Variants in ZSCAN20 observed in about 807,000 individuals in gnomAD.
The protein encoded by ZSCAN20 is zinc finger and SCAN domain-containing protein 20.
A neutral mutation model predicts 97.1 loss-of-function variants in ZSCAN20; 39 were observed. That is an observed-to-expected ratio of 0.40 (90% CI 0.31 to 0.52). The LOEUF (loss-of-function observed/expected upper bound fraction) is 0.52, where lower values mean the gene tolerates loss of function less well. Among genes scored for constraint, ZSCAN20 ranks in the 20% least tolerant of loss-of-function variants. The pLI is 0.49. For missense variants in ZSCAN20, 1,115 were observed against 1,290.4 expected, an observed-to-expected ratio of 0.86 and a Z score of 2.08; for synonymous variants, 456 against 467.3, an observed-to-expected ratio of 0.98 and a Z score of 0.31.
At chr1:33,479,120 G>A in intron 1 of ZSCAN20, 59 bp from the exon 2 acceptor site, 1 of 666,548 alleles carries the variant, frequency 1.5e-6, no homozygotes, top group Admixed American at 3.1e-5. Flanking sequence ...GGGGGAAGGG[G>A]GAGAATGAAG....
intron 2 of ZSCAN20, among the ~76,000 whole-genome samples, chr1:33,484,618 T>C (rs1420011874): frequency 7.8e-6 from 1 of 127,408 alleles, no homozygotes; most frequent in Non-Finnish European, 1.7e-5. Context: ...GGATTTTGCA[T>C]CTTTTTTTTT....
Position 33,499,735 on chromosome 1 carries a change from C to A in ZSCAN20, c.*4259C>A, listed in dbSNP as rs1487307896. Among the ~76,000 whole-genome samples the A allele has an allele frequency of 6.6e-6, 1 of 152,164 alleles. No individual in the cohort carries two copies. The highest frequency in any genetic ancestry group is 1.5e-5 in the Non-Finnish European group (1 of 68,042). On this transcript the variant is annotated 3_prime_UTR_variant, in exon 8 of 8. Transcript: ENST00000684572. Reference sequence around the variant, plus strand: ...TCTGAATGAAGTCAATATCTAAAGTCAAAATTAATCATTCAAAATATTCCC... The same window carrying A: ...TCTGAATGAAGTCAATATCTAAAGTAAAAATTAATCATTCAAAATATTCCC...
chr1:33,477,058 T>C (rs1651964795), intron 1 of ZSCAN20, among the ~76,000 whole-genome samples: 1 of 152,190 alleles, frequency 6.6e-6, no homozygotes, highest in Admixed American at 6.5e-5. Context: ...GTAACTACAA[T>C]AGTGTAGGAT....
Position 33,483,585 on chromosome 1 carries a change from C to T in ZSCAN20, c.417+3880C>T, listed in dbSNP as rs546664015. ...AGGTGCAGTGGCTCACACCTGTAAT[C>T]GCAGCACTTTGAGAGGACGAAATGG... On this transcript the variant is annotated intron_variant, in intron 2 of 7. Coordinates refer to ENST00000684572, the MANE Select transcript of ZSCAN20 (RefSeq NM_001377376.1). Among the ~76,000 whole-genome samples, 53 of 150,708 alleles carry T rather than the reference C, an allele frequency of 3.5e-4. 1 individual carries two copies. The highest frequency in any genetic ancestry group is 3.3e-3 in the South Asian group (16 of 4,782).
chr1:33,478,088 G>A (rs139583808), intron 1 of ZSCAN20, among the ~76,000 whole-genome samples: 17 of 152,258 alleles, frequency 1.1e-4, no homozygotes, highest in Non-Finnish European at 2.2e-4. Context: ...GTAAAGAGAC[G>A]AGTTGGAGAC....
At chr1:33,482,855 T>A (rs908677890) in intron 2 of ZSCAN20, among the ~76,000 whole-genome samples, 7 of 152,264 alleles carry the variant, frequency 4.6e-5, no homozygotes, top group Non-Finnish European at 1.0e-4. Context: ...TTGCCATCTG[T>A]ATATTTTCTT....
At position 33,491,139 on chromosome 1, in the gene ZSCAN20, A is replaced by G. The variant is rs1275107392; in HGVS notation, c.881A>G (p.Asn294Ser). 2 of 1,614,126 alleles carry G rather than the reference A, an allele frequency of 1.2e-6. No homozygotes were observed. Among genetic ancestry groups the G allele is most frequent in the Non-Finnish European group, 1.7e-6 (2 of 1,180,028 alleles). ...KRSTADYSLD[N>S]EPAQALTWRD... is the part of the protein sequence containing the mutation. Reference sequence around the variant, plus strand: ...AGCACTGCAGATTACAGCCTGGATAATGAGCCAGCTCAGGCATTGACCTGG... The same window carrying G: ...AGCACTGCAGATTACAGCCTGGATAGTGAGCCAGCTCAGGCATTGACCTGG... The change falls in exon 6 of 8, where the codon AAT (asparagine) becomes AGT (serine). Residue 294 changes from asparagine to serine, a missense_variant. By Grantham distance (46) the Asn-to-Ser change is conservative. This residue lies in a region of ZSCAN20 where 508 missense variants were observed against 611.2 expected (regional missense o/e 0.83). Transcript: ENST00000684572. This position sits in a 1 kb window ranked among gnomAD's most constrained non-coding sequence, Gnocchi z 4.3.
chr1:33,482,744 G>A (rs1009337623), intron 2 of ZSCAN20, among the ~76,000 whole-genome samples: 3 of 152,156 alleles, frequency 2.0e-5, no homozygotes, highest in South Asian at 2.1e-4. Flanking sequence ...TGGTGTTTTG[G>A]ATTTTGGCCA....
rs1476334834 is a variant in ZSCAN20, at chr1:33,498,238, G to A, written c.*2762G>A. ...AAGCTGAGCTCTGTGTGGATGTGAG[G>A]TGGTAGTCCTCTCTCCACTTGGTCA... On this transcript the variant is annotated 3_prime_UTR_variant, in exon 8 of 8. Transcript: ENST00000684572. Among the ~76,000 whole-genome samples, 1 of 151,340 alleles carries A rather than the reference G, an allele frequency of 6.6e-6. No homozygotes were observed. The highest frequency in any genetic ancestry group is 2.4e-5 in the African/African-American group (1 of 41,118).
chr1:33,485,154 G>A (rs996327203), intron 2 of ZSCAN20, among the ~76,000 whole-genome samples: 2 of 152,148 alleles, frequency 1.3e-5, no homozygotes, highest in Non-Finnish European at 2.9e-5. Context: ...TGTTTTGAAG[G>A]TTATTAATTA....
chr1:33,486,896 A>C (rs1259870263), intron 2 of ZSCAN20, among the ~76,000 whole-genome samples: 2 of 152,166 alleles, frequency 1.3e-5, no homozygotes, highest in East Asian at 1.9e-4. Flanking sequence ...ATGTCTTCTC[A>C]ATGGTAAAAA....
chr1:33,478,251 T>C lies in ZSCAN20; in HGVS notation c.-110-928T>C, dbSNP rs1206094812. ...TGAGGTGAGTGGAGGCAGGGACGTG[T>C]TAGGAGACTGATCAGGTGGAAGACA... On this transcript the variant is annotated intron_variant, in intron 1 of 7. Coordinates refer to ENST00000684572, the MANE Select transcript of ZSCAN20 (RefSeq NM_001377376.1). Among the ~76,000 whole-genome samples the C allele has an allele frequency of 2.0e-5, 3 of 152,058 alleles. No homozygotes were observed. In the East Asian group the frequency reaches 5.8e-4, roughly 29 times the overall value.
chr1:33,479,463 T>C lies in ZSCAN20; in HGVS notation c.175T>C (p.Tyr59His). 1 of 1,614,176 alleles carries C rather than the reference T, an allele frequency of 6.2e-7. No individual in the cohort carries two copies. Among genetic ancestry groups the C allele is most frequent in the African/African-American group, 1.3e-5 (1 of 75,056 alleles). Reference sequence around the variant, plus strand: ...CCGCCAGCGCTTCAGGCAATTCCAATACAGGGATGCAGCTGGACCCCACGA... The same window carrying C: ...CCGCCAGCGCTTCAGGCAATTCCAACACAGGGATGCAGCTGGACCCCACGA... Reference protein sequence around the residue: ...ASRQRFRQFQYRDAAGPHEAF... With the variant: ...ASRQRFRQFQHRDAAGPHEAF... Residue 59 changes from tyrosine to histidine, a missense_variant, in exon 2 of 8, where the codon TAC (tyrosine) becomes CAC (histidine). Coordinates refer to ENST00000684572, the MANE Select transcript of ZSCAN20 (RefSeq NM_001377376.1).
At position 33,500,029 on chromosome 1, in the gene ZSCAN20, A is replaced by G. The variant is rs1653011113; in HGVS notation, c.*4553A>G. ...GGCTTTACAGGAGAGGAGGGAGTTG[A>G]AATGGGCCTGGAGGCCTGGGATGGT... On this transcript the variant is annotated 3_prime_UTR_variant, in exon 8 of 8. Coordinates refer to ENST00000684572, the MANE Select transcript of ZSCAN20 (RefSeq NM_001377376.1). 6.6e-6 allele frequency among the ~76,000 whole-genome samples: 1 copy of G among 152,112 alleles called. No homozygotes were observed. Among genetic ancestry groups the G allele is most frequent in the Non-Finnish European group, 1.5e-5 (1 of 68,016 alleles).
At chr1:33,475,498 A>C (rs1414607507) in intron 1 of ZSCAN20, among the ~76,000 whole-genome samples, 2 of 152,198 alleles carry the variant, frequency 1.3e-5, no homozygotes, top group Admixed American at 1.3e-4. Flanking sequence ...TGCGGTATGA[A>C]AGACACTTTA....
chr1:33,489,247 CCA>C (rs1652499573), intron 4 of ZSCAN20, 56 bp downstream of exon 4: 1 of 1,537,230 alleles, frequency 6.5e-7, no homozygotes, highest in African/African-American at 1.4e-5. Context: ...GCTCTTGCCC[CCA>C]CAGTGTTCCT....
rs373205697 is a variant in ZSCAN20, at chr1:33,491,098, A to G, written c.840A>G (p.Ile280Met). 6.2e-7 allele frequency: 1 copy of G among 1,614,000 alleles called. No individual in the cohort carries two copies. ...CAGAGTTTTGGGGTCTAAGTCTTAT[A>G]AATTCTGGGAAAAGGAGCACTGCAG... ...QGPEFWGLSL[I>M]NSGKRSTADY... The change falls in exon 6 of 8, where the codon ATA becomes ATG. Residue 280 changes from isoleucine to methionine, a missense_variant. Coordinates refer to ENST00000684572, the MANE Select transcript of ZSCAN20 (RefSeq NM_001377376.1). The surrounding 1 kb of genome is among the most constrained non-coding windows in gnomAD (Gnocchi z 4.3).
Position 33,491,759 on chromosome 1 carries a change from TGC to T in ZSCAN20, c.1444+58_1444+59del. The T allele has an allele frequency of 1.3e-6, 2 of 1,500,840 alleles. No individual in the cohort carries two copies. The highest frequency in any genetic ancestry group is 2.7e-5 in the South Asian group (2 of 73,818). The allele number at this position is 1,500,840 out of a possible 1,614,324, so 93.0% of individuals were successfully genotyped here. On this transcript the variant is annotated intron_variant, in intron 6 of 7. Coordinates refer to ENST00000684572, the MANE Select transcript of ZSCAN20 (RefSeq NM_001377376.1). This position sits in a 1 kb window ranked among gnomAD's most constrained non-coding sequence, Gnocchi z 4.3. ...TTTCCAACCCTCCTACCAGCTAGAC[TGC>T]TATTCCCTGAGGTCAGGGCACAGGC...
At position 33,491,640 on chromosome 1, in the gene ZSCAN20, A is replaced by G; in HGVS notation, c.1382A>G (p.Asn461Ser). 1 of 1,614,078 alleles carries G rather than the reference A, an allele frequency of 6.2e-7. No homozygotes were observed. Among genetic ancestry groups the G allele is most frequent in the African/African-American group, 1.3e-5 (1 of 75,042 alleles). ...AEDCNGAGLV[N>S]VESTQGPRIA... ...GACTGTAACGGTGCTGGCCTGGTCA[A>G]TGTTGAGTCTACCCAGGGGCCCAGG... Residue 461 changes from asparagine to serine, a missense_variant, in exon 6 of 8, where the codon AAT (asparagine) becomes AGT (serine). Coordinates refer to ENST00000684572, the MANE Select transcript of ZSCAN20 (RefSeq NM_001377376.1). The surrounding 1 kb of genome is among the most constrained non-coding windows in gnomAD (Gnocchi z 4.3).
Sources: gnomAD v4.1 joint callset for allele counts (sites outside exome capture counted in the v4.1 genomes callset) on GRCh38, gnomAD v4.1.1 for gene constraint, gnomAD v4.1.1 regional missense constraint, Gnocchi (gnomAD v3.1) non-coding constraint, MANE v1.5 for transcripts, NCBI Gene and HGNC (gene_info 2026-07-23, HGNC 2026-07-21) for gene names.